The following INTS15 variants were observed in gnomAD, a reference collection of about 807,000 sequenced individuals.
INTS15 encodes integrator complex subunit 15.
At chr7:6,595,224 G>T in the INTS15 span, among the ~76,000 whole-genome samples, 4 of 152,098 alleles carry the variant, frequency 2.6e-5, no homozygotes, top group Admixed American at 2.0e-4. Context: ...TAGAGACAGG[G>T]TTTCGCCATG....
the INTS15 span, among the ~76,000 whole-genome samples, chr7:6,594,889 A>G: frequency 6.6e-6 from 1 of 150,992 alleles, no homozygotes; most frequent in Non-Finnish European, 1.5e-5. Flanking sequence ...ACTCCTGGCT[A>G]ATTTTTTTGT....
At chr7:6,600,804 T>G in the INTS15 span, among the ~76,000 whole-genome samples, 1 of 151,954 alleles carries the variant, frequency 6.6e-6, no homozygotes, top group South Asian at 2.1e-4. Context: ...ACTACAGGCA[T>G]GCGCCACCAC....
chr7:6,596,621 C>T, the INTS15 span, among the ~76,000 whole-genome samples: 1 of 151,768 alleles, frequency 6.6e-6, no homozygotes, highest in Admixed American at 6.6e-5. Flanking sequence ...TCAGATGATC[C>T]ACCTGGCTCA....
the INTS15 span, among the ~76,000 whole-genome samples, chr7:6,593,955 C>T: frequency 6.9e-6 from 1 of 144,472 alleles, no homozygotes; most frequent in Non-Finnish European, 1.5e-5. Flanking sequence ...CCAGCCTGGT[C>T]AGTGAGCTTC....
the INTS15 span, among the ~76,000 whole-genome samples, chr7:6,598,468 C>CA: frequency 0.9 from 108,415 of 121,122 alleles, 48,759 homozygotes; most frequent in Middle Eastern, 0.93. Flanking sequence ...GACTCCATCT[C>CA]AAAAAAAAAA....
At chr7:6,601,573 G>A in the INTS15 span, among the ~76,000 whole-genome samples, 5 of 152,082 alleles carry the variant, frequency 3.3e-5, no homozygotes, top group African/African-American at 1.2e-4. Flanking sequence ...TGGGATTACA[G>A]GCGTGAGCCA....
the INTS15 span, among the ~76,000 whole-genome samples, chr7:6,600,690 C>T: frequency 2.6e-5 from 4 of 152,146 alleles, no homozygotes; most frequent in African/African-American, 4.8e-5. Context: ...CGGAGTCTCA[C>T]GCTGTTGTCC....
At chr7:6,601,660 C>CT in the INTS15 span, among the ~76,000 whole-genome samples, 1,159 of 136,064 alleles carry the variant, frequency 8.5e-3, 6 homozygotes, top group Non-Finnish European at 9.7e-3. Flanking sequence ...TTTTTTCTTT[C>CT]TTTTTTTTTT....
At chr7:6,598,492 C>T in the INTS15 span, among the ~76,000 whole-genome samples, 1 of 144,644 alleles carries the variant, frequency 6.9e-6, no homozygotes, top group African/African-American at 2.6e-5. Context: ...AAAAGGCACA[C>T]AGGACAGCAG....
the INTS15 span, among the ~76,000 whole-genome samples, chr7:6,605,848 G>A: frequency 6.6e-6 from 1 of 152,078 alleles, no homozygotes; most frequent in Non-Finnish European, 1.5e-5. Flanking sequence ...ACAGACAACT[G>A]CCACCACGCC....
At chr7:6,607,232 G>A in the INTS15 span, among the ~76,000 whole-genome samples, 11 of 152,148 alleles carry the variant, frequency 7.2e-5, no homozygotes, top group Non-Finnish European at 1.5e-4. This position sits in a 1 kb window ranked among gnomAD's most constrained non-coding sequence, Gnocchi z 6.0. Flanking sequence ...TGAATTTGCT[G>A]GGAGGAGGAT....
chr7:6,592,941 G>A, the INTS15 span, among the ~76,000 whole-genome samples: 1 of 152,134 alleles, frequency 6.6e-6, no homozygotes, highest in Non-Finnish European at 1.5e-5. Flanking sequence ...AATTTAGCAA[G>A]TACTGCTGTA....
At chr7:6,594,205 C>T in the INTS15 span, among the ~76,000 whole-genome samples, 2 of 149,684 alleles carry the variant, frequency 1.3e-5, no homozygotes, top group African/African-American at 4.9e-5. Context: ...ACGAGTTTCA[C>T]CATGCTGGCC....
At chr7:6,602,483 T>C in the INTS15 span, among the ~76,000 whole-genome samples, 49 of 152,182 alleles carry the variant, frequency 3.2e-4, no homozygotes, top group Non-Finnish European at 6.6e-4. Flanking sequence ...GCCACAGCCC[T>C]ACAGCACTGT....
the INTS15 span, among the ~76,000 whole-genome samples, chr7:6,598,786 T>TGTGTGTGTGTGTGTGTGTGTG: frequency 3.0e-5 from 2 of 66,158 alleles, no homozygotes; most frequent in Admixed American, 1.7e-4. Flanking sequence ...TGTGTGTGTG[T>TGTGTGTGTGTGTGTGTGTGTG]ATTTTTTTTT....
the INTS15 span, chr7:6,607,635 G>C: frequency 6.8e-7 from 1 of 1,467,326 alleles, no homozygotes; most frequent in Non-Finnish European, 9.1e-7. This position sits in a 1 kb window ranked among gnomAD's most constrained non-coding sequence, Gnocchi z 6.0. Context: ...GGAGACTGTG[G>C]CCAGCTGTTC....
At chr7:6,606,285 C>T in the INTS15 span, among the ~76,000 whole-genome samples, 2 of 152,226 alleles carry the variant, frequency 1.3e-5, no homozygotes, top group African/African-American at 4.8e-5. Context: ...TTTACTGCCT[C>T]AGCCCCTCCT....
the INTS15 span, among the ~76,000 whole-genome samples, chr7:6,607,255 G>C: frequency 6.6e-6 from 1 of 152,104 alleles, no homozygotes; most frequent in South Asian, 2.1e-4. The surrounding 1 kb of genome is among the most constrained non-coding windows in gnomAD (Gnocchi z 6.0). Context: ...CAGGAAGTGC[G>C]GGCCGTGGTT....
the INTS15 span, among the ~76,000 whole-genome samples, chr7:6,598,221 G>C: frequency 3.8e-3 from 585 of 152,284 alleles, 3 homozygotes; most frequent in African/African-American, 0.013. Flanking sequence ...TGTAATACCA[G>C]CACTTTGGGA....
Sources: gnomAD v4.1 joint callset for allele counts (sites outside exome capture counted in the v4.1 genomes callset) on GRCh38, gnomAD v4.1.1 for gene constraint, Gnocchi (gnomAD v3.1) non-coding constraint, MANE v1.5 for transcripts, NCBI Gene and HGNC (gene_info 2026-07-23, HGNC 2026-07-21) for gene names.